The following EYS variants were observed in gnomAD, a reference collection of about 807,000 sequenced individuals.
EYS encodes the protein protein eyes shut homolog.
EYS carries 250 observed loss-of-function variants against 282.1 expected under a neutral mutation model. The ratio of observed to expected loss-of-function variants is 0.89; its 90% CI spans 0.80 to 0.98. EYS has a LOEUF of 0.98. Among genes scored for constraint, EYS ranks in the 50% least tolerant of loss-of-function variants. The pLI, the probability that EYS is intolerant of heterozygous loss-of-function variation, is 0.00. For missense variants in EYS, 4,016 were observed against 3,709.0 expected (o/e 1.08, Z -2.15); for synonymous variants, 1,355 against 1,282.9 (o/e 1.06, Z -1.20).
chr6:65,181,479 A>G lies in EYS; in HGVS notation c.2023+114384T>C, dbSNP rs1765382054. Among the ~76,000 whole-genome samples the G allele has an allele frequency of 2.0e-5, 3 of 152,212 alleles. No homozygotes were observed. The South Asian group carries it at 6.2e-4, about 31-fold the overall frequency. The stretch of plus-strand genomic sequence containing the variant: ...AAAATGCTCACCATCACTGGCCATC[A>G]GGGAAATGCAAATCAAAACCATAAT... On this transcript the variant is annotated intron_variant, in intron 12 of 42. Coordinates refer to ENST00000503581, the MANE Select transcript of EYS (RefSeq NM_001142800.2).
chr6:63,950,934 T>C lies in EYS; in HGVS notation c.7055+33449A>G, dbSNP rs147414855. Among the ~76,000 whole-genome samples, 256 of 152,284 alleles carry C rather than the reference T, an allele frequency of 1.7e-3. 3 individuals carry two copies. The East Asian group carries it at 0.041, about 25-fold the overall frequency. On this transcript the variant is annotated intron_variant, in intron 35 of 42. Coordinates refer to ENST00000503581, the MANE Select transcript of EYS (RefSeq NM_001142800.2). ...GCCTGTCACATACTTGGGAAGACAG[T>C]CTTCCCTTAGTGTTTAATCACTGCG...
chr6:64,013,664 C>CT (rs920048662), intron 33 of EYS, among the ~76,000 whole-genome samples: 17 of 151,442 alleles, frequency 1.1e-4, no homozygotes, highest in East Asian at 3.9e-4. Context: ...CCACCCCACC[C>CT]TTTTTTTTTC....
At chr6:64,938,964 A>T (rs894872442) in intron 15 of EYS, among the ~76,000 whole-genome samples, 7 of 151,766 alleles carry the variant, frequency 4.6e-5, no homozygotes, top group African/African-American at 1.4e-4. Context: ...TGAATTGTAC[A>T]CCTAAAAAGG....
At position 65,243,579 on chromosome 6, in the gene EYS, C is replaced by T. The variant is rs138214275; in HGVS notation, c.2023+52284G>A. Among the ~76,000 whole-genome samples the T allele has an allele frequency of 1.6e-4, 24 of 152,166 alleles. 1 individual carries two copies. Among genetic ancestry groups the T allele is most frequent in the African/African-American group, 5.8e-4 (24 of 41,512 alleles). On this transcript the variant is annotated intron_variant, in intron 12 of 42. Transcript: ENST00000503581. ...TAGGTGTTTCTCCCTTTTTTGTATG[C>T]CATTTAAGACAATGTCAAAGACTTT...
chr6:64,985,666 C>T (rs560199610), intron 14 of EYS, among the ~76,000 whole-genome samples: 4 of 151,608 alleles, frequency 2.6e-5, no homozygotes, highest in African/African-American at 7.2e-5. Context: ...GGTTGTTAGA[C>T]AAACTATTGG....
At chr6:64,296,592 ATATATATTT>A (rs1769029459) in intron 30 of EYS, among the ~76,000 whole-genome samples, 3 of 4,506 alleles carry the variant, frequency 6.7e-4, no homozygotes, top group East Asian at 4.3e-3. Flanking sequence ...ATACATATAT[ATATATATTT>A]TTTTTTTTTT....
chr6:64,973,154 T>C (rs1467550888), intron 14 of EYS, among the ~76,000 whole-genome samples: 6 of 152,054 alleles, frequency 3.9e-5, no homozygotes, highest in Admixed American at 2.0e-4. Context: ...CATAATTAAG[T>C]AAAATTGCCC....
At chr6:65,512,196 A>G (rs1169420331) in intron 2 of EYS, among the ~76,000 whole-genome samples, 1 of 152,086 alleles carries the variant, frequency 6.6e-6, no homozygotes, top group African/African-American at 2.4e-5. Context: ...CTCTTAGTAT[A>G]AAAATTACAT....
In EYS at chr6:64,612,787, A is replaced by G. The variant is rs181494941; in HGVS notation, c.3684+4631T>C. 1.0e-3 allele frequency among the ~76,000 whole-genome samples: 154 copies of G among 152,228 alleles called. 2 individuals are homozygous for G. Among genetic ancestry groups the G allele is most frequent in the East Asian group, 1.5e-3 (8 of 5,182 alleles). On this transcript the variant is annotated intron_variant, in intron 24 of 42. Coordinates refer to ENST00000503581, the MANE Select transcript of EYS (RefSeq NM_001142800.2). ...GAATAACTGTAGTAATATTAATCCTATCTAATCCTGTAAATATGTAGCTGA... is the reference window on the plus strand; with the variant it reads ...GAATAACTGTAGTAATATTAATCCTGTCTAATCCTGTAAATATGTAGCTGA...
chr6:65,205,404 A>C (rs1766010545), intron 12 of EYS, among the ~76,000 whole-genome samples: 1 of 151,900 alleles, frequency 6.6e-6, no homozygotes, highest in Non-Finnish European at 1.5e-5. Flanking sequence ...CCAGGTTTAT[A>C]AAACAATTTC....
intron 19 of EYS, among the ~76,000 whole-genome samples, chr6:64,852,845 G>A (rs560055707): frequency 5.3e-5 from 8 of 152,180 alleles, no homozygotes; most frequent in Admixed American, 4.6e-4. Context: ...ACCCTTCAGA[G>A]GGAGCATGGT....
intron 11 of EYS, among the ~76,000 whole-genome samples, chr6:65,314,493 T>C (rs1769245247): frequency 7.0e-6 from 1 of 143,448 alleles, no homozygotes; most frequent in Non-Finnish European, 1.5e-5. Context: ...TTGCTTAATG[T>C]GTCTTCATCA....
chr6:64,771,460 CT>C (rs1773520229), intron 22 of EYS, among the ~76,000 whole-genome samples: 1 of 151,504 alleles, frequency 6.6e-6, no homozygotes, highest in Non-Finnish European at 1.5e-5. Context: ...ATTTGTTTTT[CT>C]TATTTTTCTT....
intron 13 of EYS, among the ~76,000 whole-genome samples, chr6:65,014,679 TTA>T (rs1294493872): frequency 2.0e-5 from 3 of 152,134 alleles, no homozygotes; most frequent in African/African-American, 7.2e-5. Flanking sequence ...ATTTAAGGAA[TTA>T]TAATATGCCA....
intron 33 of EYS, among the ~76,000 whole-genome samples, chr6:64,027,083 T>C (rs1769555056): frequency 6.6e-6 from 1 of 152,066 alleles, no homozygotes; most frequent in Admixed American, 6.5e-5. Context: ...CTTAGTCGAG[T>C]AAATGATAGA....
chr6:64,221,549 G>A (rs758961406), intron 31 of EYS, among the ~76,000 whole-genome samples: 1 of 151,996 alleles, frequency 6.6e-6, no homozygotes, highest in Non-Finnish European at 1.5e-5. Flanking sequence ...TTCTGTTATA[G>A]CAACAGAAAA....
intron 12 of EYS, among the ~76,000 whole-genome samples, chr6:65,096,235 G>C (rs1420119818): frequency 6.6e-6 from 1 of 150,418 alleles, no homozygotes; most frequent in African/African-American, 2.4e-5. Flanking sequence ...TGAAATTAAA[G>C]ACATAATTTA....
At chr6:64,969,733 G>A (rs1770223080) in intron 14 of EYS, among the ~76,000 whole-genome samples, 1 of 152,110 alleles carries the variant, frequency 6.6e-6, no homozygotes, top group Non-Finnish European at 1.5e-5. Flanking sequence ...AAGATTATAT[G>A]ATAAGCCTTC....
chr6:65,179,610 C>G (rs1231535145), intron 12 of EYS, among the ~76,000 whole-genome samples: 1 of 152,016 alleles, frequency 6.6e-6, no homozygotes, highest in African/African-American at 2.4e-5. Flanking sequence ...GATTCACAGC[C>G]GAATTCTACC....
Sources: gnomAD v4.1 joint callset for allele counts (sites outside exome capture counted in the v4.1 genomes callset) on GRCh38, gnomAD v4.1.1 for gene constraint, MANE v1.5 for transcripts, NCBI Gene and HGNC (gene_info 2026-07-23, HGNC 2026-07-21) for gene names.